The following DPP6 variants were observed in gnomAD, a reference collection of about 807,000 sequenced individuals.
DPP6 encodes the protein dipeptidyl peptidase like 6.
In DPP6, 69 loss-of-function variants were observed where a neutral mutation model predicts 122.6. The observed-to-expected ratio is 0.56, with a 90% CI of 0.46 to 0.69. The LOEUF is 0.69. DPP6 is among the 30% of genes least tolerant of loss of function. DPP6 has a pLI of 0.00. For missense variants in DPP6, 928 were observed against 1,116.9 expected (o/e 0.83, Z 2.41); for synonymous variants, 418 against 433.1 (o/e 0.97, Z 0.43).
At chr7:154,518,613 ATCTC>A (rs1008209315) in intron 3 of DPP6, among the ~76,000 whole-genome samples, 10 of 152,118 alleles carry the variant, frequency 6.6e-5, no homozygotes, top group African/African-American at 2.4e-4. Flanking sequence ...GCCATACTTG[ATCTC>A]TAGGATACAC....
chr7:154,614,983 TC>T (rs1234694030), intron 5 of DPP6, among the ~76,000 whole-genome samples: 22 of 152,316 alleles, frequency 1.4e-4, no homozygotes, highest in Non-Finnish European at 4.4e-5. Flanking sequence ...AATCTTTCAT[TC>T]AGTGCAGGCT....
At chr7:154,638,727 A>T (rs1328585853) in intron 6 of DPP6, among the ~76,000 whole-genome samples, 1 of 152,216 alleles carries the variant, frequency 6.6e-6, no homozygotes, top group South Asian at 2.1e-4. Context: ...TGAGTCAGAC[A>T]CAGATGAAAA....
chr7:153,787,064 G>A, the DPP6 span, among the ~76,000 whole-genome samples: 2,404 of 143,308 alleles, frequency 0.017, 97 homozygotes, highest in African/African-American at 0.053. Flanking sequence ...CCATTCTCCT[G>A]CCTCAGCCTC....
intron 1 of DPP6, among the ~76,000 whole-genome samples, chr7:154,109,746 A>G (rs1029996780): frequency 6.7e-6 from 1 of 148,342 alleles, no homozygotes; most frequent in Non-Finnish European, 1.5e-5. Context: ...GAGTTGCATA[A>G]TAGTCCATTG....
the DPP6 span, among the ~76,000 whole-genome samples, chr7:153,868,509 A>T: frequency 6.6e-6 from 1 of 152,056 alleles, no homozygotes; most frequent in Non-Finnish European, 1.5e-5. Flanking sequence ...AACCTTTGTC[A>T]TTTTTTATTG....
At chr7:154,671,515 TTGTC>T (rs145491981) in intron 7 of DPP6, among the ~76,000 whole-genome samples, 18,441 of 152,214 alleles carry the variant, frequency 0.12, 1,196 homozygotes, top group African/African-American at 0.16. Flanking sequence ...TCCTGCCTCA[TTGTC>T]TGCACATGCA....
chr7:153,932,977 A>T (rs970653873), intron 1 of DPP6, among the ~76,000 whole-genome samples: 3 of 151,988 alleles, frequency 2.0e-5, no homozygotes, highest in Non-Finnish European at 2.9e-5. Flanking sequence ...GCAAGATCTG[A>T]TGGTTTTATA....
chr7:154,461,846 G>T (rs200468165), intron 2 of DPP6, among the ~76,000 whole-genome samples: 1 of 151,988 alleles, frequency 6.6e-6, no homozygotes, highest in East Asian at 1.9e-4. Context: ...TGTTTCCTTT[G>T]CTGTGCATTT....
chr7:154,424,778 C>T (rs1045390281), intron 1 of DPP6, among the ~76,000 whole-genome samples: 2 of 152,194 alleles, frequency 1.3e-5, no homozygotes, highest in African/African-American at 4.8e-5. Flanking sequence ...TGCCACTTGA[C>T]AACTGCGTGA....
chr7:154,265,699 T>C (rs1034176892), intron 1 of DPP6, among the ~76,000 whole-genome samples: 1 of 152,198 alleles, frequency 6.6e-6, no homozygotes, highest in African/African-American at 2.4e-5. Flanking sequence ...TTTTCTTGGG[T>C]CAGTAGAGGG....
the DPP6 span, among the ~76,000 whole-genome samples, chr7:153,851,754 A>G: frequency 6.6e-6 from 1 of 152,068 alleles, no homozygotes; most frequent in Non-Finnish European, 1.5e-5. Flanking sequence ...CTTTTTCTAG[A>G]CATTCTTTCA....
At chr7:154,221,589 T>C (rs951419603) in intron 1 of DPP6, among the ~76,000 whole-genome samples, 8 of 152,236 alleles carry the variant, frequency 5.3e-5, no homozygotes, top group African/African-American at 1.9e-4. Flanking sequence ...ATTCATTGGT[T>C]GACCTTTTCA....
At chr7:154,627,362 A>C (rs1194816720) in intron 5 of DPP6, among the ~76,000 whole-genome samples, 24 of 149,108 alleles carry the variant, frequency 1.6e-4, no homozygotes, top group Admixed American at 1.6e-3. Flanking sequence ...TGTCCAGCTA[A>C]TTTTTTTTTG....
chr7:154,290,077 C>T (rs998525009), intron 1 of DPP6, among the ~76,000 whole-genome samples: 1 of 152,204 alleles, frequency 6.6e-6, no homozygotes, highest in Non-Finnish European at 1.5e-5. Flanking sequence ...CACATGGACA[C>T]ACTGCAGTGC....
intron 3 of DPP6, among the ~76,000 whole-genome samples, chr7:154,534,018 A>G (rs1004740043): frequency 2.6e-5 from 4 of 151,986 alleles, no homozygotes; most frequent in Non-Finnish European, 5.9e-5. Context: ...AATCAATACT[A>G]TATAAAACAT....
chr7:154,574,752 TTG>T (rs1491354676), intron 5 of DPP6, among the ~76,000 whole-genome samples: 3 of 136,410 alleles, frequency 2.2e-5, no homozygotes, highest in Non-Finnish European at 4.7e-5. Flanking sequence ...TGTATGTGTG[TTG>T]TGTGTGTATA....
At chr7:154,806,906 A>G in intron 15 of DPP6, 88 bp from the exon 16 acceptor site, 3 of 1,551,154 alleles carry the variant, frequency 1.9e-6, no homozygotes, top group Non-Finnish European at 1.7e-6. Flanking sequence ...GATCACCCTC[A>G]TGGGGAGAGC....
chr7:153,869,287 A>C, the DPP6 span, among the ~76,000 whole-genome samples: 1 of 152,278 alleles, frequency 6.6e-6, no homozygotes, highest in South Asian at 2.1e-4. Context: ...GTGGGAGTCT[A>C]AGTCTCTTTG....
chr7:153,963,125 A>G (rs1276128520), intron 1 of DPP6, among the ~76,000 whole-genome samples: 1 of 152,188 alleles, frequency 6.6e-6, no homozygotes, highest in African/African-American at 2.4e-5. Context: ...GGAATATACC[A>G]TATGGAAAAG....
Sources: gnomAD v4.1 joint callset for allele counts (sites outside exome capture counted in the v4.1 genomes callset) on GRCh38, gnomAD v4.1.1 for gene constraint, MANE v1.5 for transcripts, NCBI Gene and HGNC (gene_info 2026-07-23, HGNC 2026-07-21) for gene names.